The following IL7R variants were observed in gnomAD, a reference collection of about 807,000 sequenced individuals.
The protein encoded by IL7R is interleukin 7 receptor, also known as interleukin-7 receptor subunit alpha.
In IL7R, 38 loss-of-function variants were observed where a neutral mutation model predicts 47.0. The ratio of observed to expected loss-of-function variants is 0.81; its 90% CI spans 0.62 to 1.06. The LOEUF (loss-of-function observed/expected upper bound fraction) is 1.06, where lower values mean the gene tolerates loss of function less well. IL7R is among the 50% of genes least tolerant of loss of function. The pLI is 0.00. For missense variants in IL7R, 633 were observed against 534.8 expected, an observed-to-expected ratio of 1.18 and a Z score of -1.81; for synonymous variants, 221 against 199.8, an observed-to-expected ratio of 1.11 and a Z score of -0.89.
chr5:35,866,858 TGTGATATTATGTATATAAC>T lies in IL7R; in HGVS notation c.222-447_222-429del, dbSNP rs554457212. On this transcript the variant is annotated intron_variant, in intron 2 of 7. Coordinates refer to ENST00000303115, the MANE Select transcript of IL7R (RefSeq NM_002185.5). The stretch of plus-strand genomic sequence containing the variant: ...TCCATTACGTTACCCATCAAGTATA[TGTGATATTATGTATATAAC>T]CCTTTATACTATGTTATCATTTTCT... Among the ~76,000 whole-genome samples, 5 of 152,290 alleles carry T rather than the reference TGTGATATTATGTATATAAC, an allele frequency of 3.3e-5. No individual in the cohort carries two copies. In the South Asian group the frequency reaches 1.0e-3, roughly 32 times the overall value.
intron 3 of IL7R, among the ~76,000 whole-genome samples, chr5:35,870,737 C>T (rs527338632): frequency 6.6e-6 from 1 of 152,278 alleles, no homozygotes; most frequent in South Asian, 2.1e-4. Flanking sequence ...CTTGTGGCTC[C>T]ACCGTCTGTA....
At chr5:35,875,143 T>C (rs898052393) in intron 6 of IL7R, among the ~76,000 whole-genome samples, 4 of 152,104 alleles carry the variant, frequency 2.6e-5, no homozygotes, top group Non-Finnish European at 5.9e-5. Flanking sequence ...AGAGAAGAAA[T>C]AAAAAGACAA....
At chr5:35,867,741 C>T (rs1759975053) in intron 3 of IL7R, 1 of 598,276 alleles carries the variant, frequency 1.7e-6, no homozygotes, top group Non-Finnish European at 2.9e-6. Context: ...TCCTGTCATC[C>T]ATCACAGGTG....
At position 35,867,465 on chromosome 5, in the gene IL7R, T is replaced by C; in HGVS notation, c.379+2T>C. The C allele has an allele frequency of 6.2e-7, 1 of 1,610,786 alleles. No homozygotes were observed. Among genetic ancestry groups the C allele is most frequent in the Non-Finnish European group, 8.5e-7 (1 of 1,178,342 alleles). On this transcript the variant is annotated splice_donor_variant, in intron 3 of 7. Coordinates refer to ENST00000303115, the MANE Select transcript of IL7R (RefSeq NM_002185.5). LOFTEE classifies it high-confidence loss of function. The stretch of plus-strand genomic sequence containing the variant: ...AAAAAATAGACCTAACCACTATAGG[T>C]AAGAAGTTGTATATAAAAGTATGGT...
intron 2 of IL7R, among the ~76,000 whole-genome samples, chr5:35,864,337 T>C (rs1382735052): frequency 6.6e-6 from 1 of 152,154 alleles, no homozygotes; most frequent in Non-Finnish European, 1.5e-5. Context: ...CTGTTCACAT[T>C]CTTGGACAAA....
In IL7R at chr5:35,873,770, T is replaced by G. The variant is rs1494554; in HGVS notation, c.706+122T>G. On this transcript the variant is annotated intron_variant, in intron 5 of 7. Coordinates refer to ENST00000303115, the MANE Select transcript of IL7R (RefSeq NM_002185.5). ...AATAGGACACCCTTGGAGGGCACTC[T>G]TACACTTTCTTTGGAGAATGACTTG... 0.25 allele frequency: 222,161 copies of G among 876,188 alleles called. 29,859 individuals carry two copies. Among genetic ancestry groups the G allele is most frequent in the African/African-American group, 0.32 (19,496 of 60,414 alleles). The allele number at this position is 876,188 out of a possible 1,614,324, so 54.3% of individuals were successfully genotyped here.
At chr5:35,875,865 G>C in intron 7 of IL7R, 118 bp from the exon 8 acceptor site, 1 of 1,139,728 alleles carries the variant, frequency 8.8e-7, no homozygotes, top group Non-Finnish European at 1.3e-6. Context: ...TGAGGAACAT[G>C]CTGGCAATTC....
intron 6 of IL7R, 72 bp downstream of exon 6, chr5:35,874,614 T>G: frequency 8.6e-7 from 1 of 1,162,812 alleles, no homozygotes; most frequent in Non-Finnish European, 1.3e-6. Context: ...GCCCCATTTA[T>G]TGATGAGAAA....
At position 35,879,043 on chromosome 5, in the gene IL7R, T is replaced by C; in HGVS notation, c.*2557T>C. ...GGGACAATGTGTAATGTAAGATTAC[T>C]AATTGGTTCTGCCCAATCTCCTTTC... On this transcript the variant is annotated 3_prime_UTR_variant, in exon 8 of 8. Transcript: ENST00000303115. The C allele has an allele frequency of 4.3e-6, 1 of 232,918 alleles. No homozygotes were observed. The highest frequency in any genetic ancestry group is 6.1e-5 in the East Asian group (1 of 16,498). The allele number at this position is 232,918 out of a possible 1,614,324, so 14.4% of individuals were successfully genotyped here. A position where few individuals can be genotyped will look rare whatever the true frequency, so the allele number is the denominator to read the frequency against.
chr5:35,857,133 C>A (rs1494561), intron 1 of IL7R, 74 bp downstream of exon 1: 3 of 933,194 alleles, frequency 3.2e-6, no homozygotes, highest in South Asian at 2.6e-5. Flanking sequence ...AGTTCCCTAA[C>A]AGACCTGAGT....
rs1309692729 is a variant in IL7R at position 35,878,509 on chromosome 5, A to T, written c.*2023A>T. The T allele has an allele frequency of 4.3e-6, 1 of 232,770 alleles. No homozygotes were observed. Among genetic ancestry groups the T allele is most frequent in the Non-Finnish European group, 8.5e-6 (1 of 117,824 alleles). 14.4% of individuals were successfully genotyped at this position (232,770 alleles called of 1,614,324 possible). On this transcript the variant is annotated 3_prime_UTR_variant, in exon 8 of 8. Transcript: ENST00000303115. The stretch of plus-strand genomic sequence containing the variant: ...GTTGGAGACAGGGCAAATGCCACAA[A>T]AATGATGTAAATTTACATGGAGGAA...
At chr5:35,869,498 A>G (rs980745656) in intron 3 of IL7R, among the ~76,000 whole-genome samples, 4 of 152,312 alleles carry the variant, frequency 2.6e-5, no homozygotes, top group Admixed American at 2.6e-4. Flanking sequence ...AAAGAACTGG[A>G]TTTGGATCCC....
chr5:35,861,794 G>A (rs756368479), intron 2 of IL7R, among the ~76,000 whole-genome samples: 12 of 152,140 alleles, frequency 7.9e-5, no homozygotes, highest in Non-Finnish European at 1.5e-4. Context: ...TGTTGCCAAG[G>A]GTTACTATCT....
rs374743314 is a variant in IL7R at position 35,868,836 on chromosome 5, C to A, written c.379+1373C>A. 2.5e-4 allele frequency among the ~76,000 whole-genome samples: 38 copies of A among 152,268 alleles called. No individual in the cohort carries two copies. The South Asian group carries it at 7.9e-3, about 32-fold the overall frequency. ...ATAAGCACTCACAACACACCAAGAG[C>A]CTCCAGGTGACATCTGCCACCTCCA... On this transcript the variant is annotated intron_variant, in intron 3 of 7. Coordinates refer to ENST00000303115, the MANE Select transcript of IL7R (RefSeq NM_002185.5).
In IL7R at chr5:35,878,001, CT is replaced by C; in HGVS notation, c.*1517del. 4.3e-6 allele frequency: 1 copy of C among 233,230 alleles called. No homozygotes were observed. Among genetic ancestry groups the C allele is most frequent in the Non-Finnish European group, 8.5e-6 (1 of 118,048 alleles). 14.4% of individuals were successfully genotyped at this position (233,230 alleles called of 1,614,324 possible). ...CTACTGTTTTTCTGTTTTGAATTTT[CT>C]TCTTTGTTCTGTTTTTACTTTATTT... On this transcript the variant is annotated 3_prime_UTR_variant, in exon 8 of 8. Coordinates refer to ENST00000303115, the MANE Select transcript of IL7R (RefSeq NM_002185.5).
chr5:35,869,405 C>T (rs183067669), intron 3 of IL7R, among the ~76,000 whole-genome samples: 2 of 152,210 alleles, frequency 1.3e-5, no homozygotes, highest in African/African-American at 4.8e-5. Flanking sequence ...GAAAACTGTC[C>T]AGAGGGCACG....
chr5:35,875,746 A>G (rs1760190218), intron 7 of IL7R, 159 bp downstream of exon 7: 1 of 770,214 alleles, frequency 1.3e-6, no homozygotes, highest in Non-Finnish European at 2.3e-6. Flanking sequence ...AGGGAACTGA[A>G]ATAAGATACA....
At chr5:35,864,384 A>C (rs780627026) in intron 2 of IL7R, among the ~76,000 whole-genome samples, 2 of 152,116 alleles carry the variant, frequency 1.3e-5, no homozygotes, top group Non-Finnish European at 2.9e-5. Context: ...TTTCTGGGGT[A>C]TAAAACCTCA....
chr5:35,873,882 A>G (rs1760139420), intron 5 of IL7R, among the ~76,000 whole-genome samples: 1 of 152,174 alleles, frequency 6.6e-6, no homozygotes, highest in South Asian at 2.1e-4. Flanking sequence ...AGCCATCTGT[A>G]TTCCTGGAAG....
Sources: allele counts gnomAD v4.1 joint callset (sites outside exome capture counted in the v4.1 genomes callset), GRCh38; gene constraint gnomAD v4.1.1; transcripts MANE v1.5; gene names NCBI Gene and HGNC (gene_info 2026-07-23, HGNC 2026-07-21).